The following NTM variants were observed in gnomAD, a reference collection of about 807,000 sequenced individuals.
The protein encoded by NTM is IgLON family member 2.
In NTM, 13 loss-of-function variants were observed where a neutral mutation model predicts 42.1. That is an observed-to-expected ratio of 0.31 (90% confidence interval 0.20 to 0.49). The LOEUF is 0.49. Ranked by LOEUF, NTM falls within the 20% of genes least tolerant of loss-of-function variation. The pLI, the probability that NTM is intolerant of heterozygous loss-of-function variation, is 0.99. For missense variants in NTM, 373 were observed against 452.8 expected (o/e 0.82, Z 1.60); for synonymous variants, 187 against 179.2 (o/e 1.04, Z -0.35).
chr11:131,405,749 C>A (rs1945739574), intron 1 of NTM, among the ~76,000 whole-genome samples: 1 of 152,206 alleles, frequency 6.6e-6, no homozygotes, highest in Non-Finnish European at 1.5e-5. Context: ...AATCCACACC[C>A]CTCCTCTGTG....
At chr11:131,665,541 A>C (rs2068894076) in intron 1 of NTM, among the ~76,000 whole-genome samples, 1 of 152,250 alleles carries the variant, frequency 6.6e-6, no homozygotes, top group Non-Finnish European at 1.5e-5. Context: ...ATTGGGACAC[A>C]GCACACAGGG....
intron 3 of NTM, among the ~76,000 whole-genome samples, chr11:132,160,939 G>A (rs1272941402): frequency 6.6e-6 from 1 of 152,218 alleles, no homozygotes; most frequent in African/African-American, 2.4e-5. Flanking sequence ...CCAGGGCCTG[G>A]AAAGCCCTGC....
chr11:132,276,547 A>T (rs772330577), intron 4 of NTM, among the ~76,000 whole-genome samples: 2 of 152,208 alleles, frequency 1.3e-5, no homozygotes, highest in Non-Finnish European at 2.9e-5. Context: ...TCACACAAAA[A>T]TTGTGGTTCA....
At chr11:131,711,097 A>C (rs1169855003) in intron 1 of NTM, among the ~76,000 whole-genome samples, 3 of 152,198 alleles carry the variant, frequency 2.0e-5, no homozygotes, top group Non-Finnish European at 1.5e-5. Context: ...AAAACACCAA[A>C]AGCAATGGCA....
At chr11:131,522,748 A>G (rs1336448219) in intron 1 of NTM, among the ~76,000 whole-genome samples, 8 of 152,212 alleles carry the variant, frequency 5.3e-5, no homozygotes, top group Non-Finnish European at 1.2e-4. Context: ...CTTGGCCTCC[A>G]TAGATTATAG....
At chr11:131,625,306 T>C (rs1025873220) in intron 1 of NTM, among the ~76,000 whole-genome samples, 3 of 152,178 alleles carry the variant, frequency 2.0e-5, no homozygotes, top group Non-Finnish European at 4.4e-5. Flanking sequence ...ATGGTCTTTA[T>C]GGACCCCTCT....
chr11:132,146,255 G>C lies in NTM; in HGVS notation c.168-27G>C, dbSNP rs1566293472. ...GGCTGCTGTCGTCTCTCAGTCCCTT[G>C]ACGTACCTGTCTGGTCTTCCCTTCA... On this transcript the variant is annotated intron_variant, in intron 2 of 8. Transcript: ENST00000683400. This position sits in a 1 kb window ranked among gnomAD's most constrained non-coding sequence, Gnocchi z 4.5. 6.2e-7 allele frequency: 1 copy of C among 1,613,274 alleles called. No individual in the cohort carries two copies. Among genetic ancestry groups the C allele is most frequent in the Non-Finnish European group, 8.5e-7 (1 of 1,179,470 alleles).
chr11:132,271,077 C>G (rs2093455689), intron 4 of NTM, among the ~76,000 whole-genome samples: 1 of 152,152 alleles, frequency 6.6e-6, no homozygotes, highest in African/African-American at 2.4e-5. Flanking sequence ...ATCTCACCCC[C>G]CAGCACATTA....
At chr11:131,623,559 G>T in intron 1 of NTM, among the ~76,000 whole-genome samples, 1 of 152,204 alleles carries the variant, frequency 6.6e-6, no homozygotes, top group East Asian at 1.9e-4. Flanking sequence ...AATTCATTTG[G>T]ATAGCAGCAT....
intron 1 of NTM, among the ~76,000 whole-genome samples, chr11:131,503,854 G>GTT (rs1434434437): frequency 6.6e-6 from 1 of 152,184 alleles, no homozygotes; most frequent in Non-Finnish European, 1.5e-5. Context: ...GGTTGTGCGT[G>GTT]TTTCTTTAAT....
chr11:131,555,087 A>G (rs375882584), intron 1 of NTM, among the ~76,000 whole-genome samples: 16 of 152,162 alleles, frequency 1.1e-4, no homozygotes, highest in African/African-American at 3.9e-4. Context: ...ACTTGAGCTC[A>G]GGAATTTGAA....
intron 2 of NTM, among the ~76,000 whole-genome samples, chr11:132,082,073 C>A (rs1159010561): frequency 6.7e-6 from 1 of 149,668 alleles, no homozygotes; most frequent in Admixed American, 6.7e-5. Context: ...AAAAAAAAAA[C>A]CCTTCATTTC....
At chr11:131,785,409 T>C (rs55902955) in intron 1 of NTM, among the ~76,000 whole-genome samples, 1,567 of 152,312 alleles carry the variant, frequency 0.01, 28 homozygotes, top group African/African-American at 0.036. Flanking sequence ...AAAAGTGAGA[T>C]TCAATTCTTC....
intron 2 of NTM, among the ~76,000 whole-genome samples, chr11:131,996,653 G>T (rs1255208376): frequency 6.6e-6 from 1 of 151,634 alleles, no homozygotes; most frequent in Non-Finnish European, 1.5e-5. Context: ...ACACATAGTG[G>T]TGTCTTGGGA....
chr11:131,623,756 A>T (rs1295304211), intron 1 of NTM, among the ~76,000 whole-genome samples: 1 of 152,246 alleles, frequency 6.6e-6, no homozygotes, highest in Non-Finnish European at 1.5e-5. Flanking sequence ...GGAAGCACAC[A>T]GCCCAATTTA....
intron 1 of NTM, among the ~76,000 whole-genome samples, chr11:131,713,596 T>C (rs1565458774): frequency 6.6e-6 from 1 of 152,218 alleles, no homozygotes; most frequent in Non-Finnish European, 1.5e-5. Flanking sequence ...CTCCACAAAG[T>C]ATATGTTTAT....
chr11:131,391,644 G>GAAAAAAAAAA (rs5795723), intron 1 of NTM, among the ~76,000 whole-genome samples: 74 of 81,476 alleles, frequency 9.1e-4, no homozygotes, highest in South Asian at 1.2e-3. Context: ...TTTTATCTGG[G>GAAAAAAAAAA]AAAAAAAAAA....
At chr11:131,760,639 T>C (rs2084009493) in intron 1 of NTM, among the ~76,000 whole-genome samples, 1 of 152,224 alleles carries the variant, frequency 6.6e-6, no homozygotes, top group South Asian at 2.1e-4. Context: ...CTAATAGAGA[T>C]AACCCTGCTG....
intron 2 of NTM, among the ~76,000 whole-genome samples, chr11:132,004,994 C>T (rs2070431662): frequency 6.6e-6 from 1 of 152,142 alleles, no homozygotes. Flanking sequence ...GATGCTAGGA[C>T]TAAGCCAACT....
Sources: gnomAD v4.1 joint callset for allele counts (sites outside exome capture counted in the v4.1 genomes callset) on GRCh38, gnomAD v4.1.1 for gene constraint, Gnocchi (gnomAD v3.1) non-coding constraint, MANE v1.5 for transcripts, NCBI Gene and HGNC (gene_info 2026-07-23, HGNC 2026-07-21) for gene names.